DHRS4L2: variants seen among roughly 807,000 people sequenced by gnomAD.
DHRS4L2 encodes dehydrogenase/reductase 4 like 2.
In DHRS4L2, 22 loss-of-function variants were observed where a neutral mutation model predicts 23.9. The ratio of observed to expected loss-of-function variants is 0.92; its 90% CI spans 0.66 to 1.31. The LOEUF (loss-of-function observed/expected upper bound fraction) is 1.31. Ranked by LOEUF, DHRS4L2 falls within the 40% of genes most tolerant of loss-of-function variation. The pLI is 0.00. For synonymous variants in DHRS4L2, 141 were observed against 123.7 expected, an observed-to-expected ratio of 1.14 and a Z score of -0.93; for missense variants, 385 against 303.3, an observed-to-expected ratio of 1.27 and a Z score of -2.00.
chr14:23,975,486 A>G (rs1331221021), intron 1 of DHRS4L2, among the ~76,000 whole-genome samples: 3 of 151,840 alleles, frequency 2.0e-5, no homozygotes, highest in Non-Finnish European at 2.9e-5. Flanking sequence ...ACTCAATATC[A>G]TGAAAATGGC....
rs143717586 is a variant in DHRS4L2, at chr14:23,971,508, A to T, written c.-176+1176A>T. On this transcript the variant is annotated intron_variant, in intron 1 of 5. Transcript: ENST00000534993. ...AGGAAATACAGAGAACATCACAAAGATACTCCTTGAGAAGAGCAACCCCAA... is the reference window on the plus strand; with the variant it reads ...AGGAAATACAGAGAACATCACAAAGTTACTCCTTGAGAAGAGCAACCCCAA... Among the ~76,000 whole-genome samples, 9 of 152,176 alleles carry T rather than the reference A, an allele frequency of 5.9e-5. No individual in the cohort carries two copies. The East Asian group carries it at 1.7e-3, about 29-fold the overall frequency.
At chr14:24,000,396 G>C (rs1459789973) in intron 3 of DHRS4L2, among the ~76,000 whole-genome samples, 1 of 150,774 alleles carries the variant, frequency 6.6e-6, no homozygotes, top group Non-Finnish European at 1.5e-5. Flanking sequence ...CCTTCCTAGA[G>C]GGCCAAGAAC....
chr14:24,001,402 G>A lies in DHRS4L2; in HGVS notation c.550G>A (p.Val184Ile), dbSNP rs774404113. Residue 184 changes from valine (V) to isoleucine (I), a missense_variant, in exon 6 of 8, where the codon GTC becomes ATC. Transcript: ENST00000335125. ...TCTCCAGGGCTTCAGTCCTTACAAT[G>A]TCAGTAAAACAGCCTTGCTGGGCCT... The part of the protein sequence containing the change: ...SPSPGFSPYN[V>I]SKTALLGLNN... The A allele has an allele frequency of 1.9e-6, 3 of 1,607,548 alleles. No homozygotes were observed. The highest frequency in any genetic ancestry group is 4.5e-5 in the East Asian group (2 of 44,450).
chr14:23,985,471 T>A (rs953057774), upstream of DHRS4L2, among the ~76,000 whole-genome samples: 1 of 151,546 alleles, frequency 6.6e-6, no homozygotes, highest in Non-Finnish European at 1.5e-5. Context: ...CAACAGTGAA[T>A]CTGGGACAGC....
At chr14:23,999,992 G>T (rs2034455455) in intron 3 of DHRS4L2, among the ~76,000 whole-genome samples, 2 of 139,150 alleles carry the variant, frequency 1.4e-5, no homozygotes, top group South Asian at 4.4e-4. Context: ...ACCATGCCCA[G>T]CCCTGAGTTT....
rs138190990 is a variant in DHRS4L2, at chr14:24,001,068, C to A, written c.515C>A (p.Ala172Asp). 1.9e-6 allele frequency: 3 copies of A among 1,611,264 alleles called. No individual in the cohort carries two copies. Among genetic ancestry groups the A allele is most frequent in the Middle Eastern group, 1.7e-4 (1 of 6,058 alleles). The change falls in exon 5 of 8, where the codon GCC becomes GAC. Residue 172 changes from alanine to aspartate, a missense_variant. Ala to Asp is a moderately radical substitution (Grantham distance 126). Transcript: ENST00000335125. ...GTGGTGATCGTGTCTTCCATAGCAGCCTTCAGTCCATCTCCTGTAAGAACC... is the reference window on the plus strand; with the variant it reads ...GTGGTGATCGTGTCTTCCATAGCAGACTTCAGTCCATCTCCTGTAAGAACC... ...GSVVIVSSIA[A>D]FSPSPGFSPY... is the part of the protein sequence containing the mutation.
chr14:23,974,533 T>A (rs1432706458), intron 1 of DHRS4L2, among the ~76,000 whole-genome samples: 2 of 148,752 alleles, frequency 1.3e-5, no homozygotes, highest in Non-Finnish European at 3.0e-5. Context: ...GAGAGAAGAG[T>A]CAAATAGACA....
intron 1 of DHRS4L2, among the ~76,000 whole-genome samples, chr14:23,989,653 A>C (rs2034225291): frequency 6.6e-6 from 1 of 151,720 alleles, no homozygotes; most frequent in South Asian, 2.1e-4. Context: ...CAAAACTAAA[A>C]TACAAATGTA....
intron 1 of DHRS4L2, among the ~76,000 whole-genome samples, chr14:23,975,065 G>A (rs190610476): frequency 3.3e-5 from 5 of 151,830 alleles, no homozygotes; most frequent in Admixed American, 6.5e-5. Flanking sequence ...ATTCAACATA[G>A]TATTGGAAGT....
upstream of DHRS4L2, among the ~76,000 whole-genome samples, chr14:23,984,805 C>CAG (rs1555328461): frequency 7.4e-5 from 5 of 67,492 alleles, 1 homozygote; most frequent in African/African-American, 2.8e-4. Context: ...GATGCCATCT[C>CAG]AAAAAAAAAA....
chr14:23,994,812 G>C (rs1293328945), intron 2 of DHRS4L2, among the ~76,000 whole-genome samples: 1 of 151,502 alleles, frequency 6.6e-6, no homozygotes, highest in Non-Finnish European at 1.5e-5. Context: ...TGTTGTCATT[G>C]TTGTTGTTGT....
chr14:23,993,160 A>G (rs201017654), intron 2 of DHRS4L2, among the ~76,000 whole-genome samples: 14,340 of 150,902 alleles, frequency 0.095, 973 homozygotes, highest in East Asian at 0.23. Context: ...TACTGAGCAC[A>G]GTGCACATCA....
intron 5 of DHRS4L2, 67 bp from the exon 6 acceptor site, chr14:24,001,317 T>G: frequency 6.3e-7 from 1 of 1,580,620 alleles, no homozygotes; most frequent in East Asian, 2.3e-5. Flanking sequence ...CTGCCCTCTA[T>G]GTCTAGTTAT....
At chr14:23,973,162 C>A (rs544269821) in intron 1 of DHRS4L2, among the ~76,000 whole-genome samples, 1 of 152,108 alleles carries the variant, frequency 6.6e-6, no homozygotes, top group Non-Finnish European at 1.5e-5. Context: ...GGGTGTCAGG[C>A]TGGGGGACAG....
At chr14:23,989,727 G>C (rs531604696) in intron 1 of DHRS4L2, among the ~76,000 whole-genome samples, 1 of 151,768 alleles carries the variant, frequency 6.6e-6, no homozygotes, top group Non-Finnish European at 1.5e-5. Context: ...CAATATTTAC[G>C]TTTTTGACCA....
At chr14:23,984,805 CAAAAAAA>C (rs568852943), upstream of DHRS4L2, among the ~76,000 whole-genome samples, 7 of 67,492 alleles carry the variant, frequency 1.0e-4, no homozygotes, top group Non-Finnish European at 1.7e-4. Flanking sequence ...GATGCCATCT[CAAAAAAA>C]AAAAAAAAAA....
intron 2 of DHRS4L2, among the ~76,000 whole-genome samples, chr14:23,992,907 T>C (rs1211840819): frequency 6.8e-6 from 1 of 146,940 alleles, no homozygotes; most frequent in African/African-American, 2.5e-5. Flanking sequence ...TTTGAACTCC[T>C]GGCCTCAAGT....
intron 3 of DHRS4L2, among the ~76,000 whole-genome samples, chr14:23,996,842 T>C (rs1266829548): frequency 7.2e-5 from 11 of 152,004 alleles, no homozygotes; most frequent in Middle Eastern, 3.4e-3. Flanking sequence ...ACTGTGTTGC[T>C]CAGGCTGGTC....
At chr14:23,974,885 C>T (rs2033936977) in intron 1 of DHRS4L2, among the ~76,000 whole-genome samples, 1 of 151,778 alleles carries the variant, frequency 6.6e-6, no homozygotes, top group Non-Finnish European at 1.5e-5. Context: ...AAGAATCCTC[C>T]CTAACTCATT....
Sources: gnomAD v4.1 joint callset for allele counts (sites outside exome capture counted in the v4.1 genomes callset) on GRCh38, gnomAD v4.1.1 for gene constraint, MANE v1.5 for transcripts, NCBI Gene and HGNC (gene_info 2026-07-23, HGNC 2026-07-21) for gene names.